ACKR2: variants seen among roughly 807,000 people sequenced by gnomAD.
ACKR2 encodes the protein atypical chemokine receptor 2.
For synonymous variants in ACKR2, 207 were observed against 192.2 expected (o/e 1.08, Z -0.64); for missense variants, 457 against 477.3 (o/e 0.96, Z 0.40).
intron 2 of ACKR2, among the ~76,000 whole-genome samples, chr3:42,846,819 C>T (rs760450992): frequency 5.3e-5 from 8 of 152,212 alleles, no homozygotes; most frequent in Non-Finnish European, 1.2e-4. Flanking sequence ...GTGTCCAGTG[C>T]TGGCTGGGCT....
At chr3:42,825,408 A>G (rs1171596357) in intron 2 of ACKR2, among the ~76,000 whole-genome samples, 2 of 152,136 alleles carry the variant, frequency 1.3e-5, no homozygotes, top group Non-Finnish European at 2.9e-5. Flanking sequence ...TTTTTAGTGT[A>G]TAGGCCTTGC....
chr3:42,812,300 A>G (rs1390353668), intron 1 of ACKR2, among the ~76,000 whole-genome samples: 1 of 152,220 alleles, frequency 6.6e-6, no homozygotes, highest in Non-Finnish European at 1.5e-5. Context: ...TGTGATGGAT[A>G]CAATTTATTT....
intron 2 of ACKR2, chr3:42,856,549 C>T: frequency 1.6e-6 from 1 of 611,578 alleles, no homozygotes; most frequent in South Asian, 2.0e-5. Flanking sequence ...AGCTAACATC[C>T]TCACTATTAT....
rs1170169605 is a variant in ACKR2 at position 42,864,710 on chromosome 3, G to A, written c.208G>A (p.Val70Ile). 4 of 1,614,156 alleles carry A rather than the reference G, an allele frequency of 2.5e-6. No homozygotes were observed. The East Asian group carries it at 6.7e-5, about 27-fold the overall frequency. Reference sequence around the variant, plus strand: ...CAGCGGGAACCTCCTTCTTCTCATGGTCTTGCTCCGTTACGTGCCTCGCAG... The same window carrying A: ...CAGCGGGAACCTCCTTCTTCTCATGATCTTGCTCCGTTACGTGCCTCGCAG... ...GLSGNLLLLM[V>I]LLRYVPRRRM... The change falls in exon 3 of 3, where the codon GTC (valine) becomes ATC (isoleucine). Residue 70 changes from valine (V) to isoleucine (I), a missense_variant. Physicochemically the swap from Val to Ile is conservative, Grantham distance 29. Coordinates refer to ENST00000422265, the MANE Select transcript of ACKR2 (RefSeq NM_001296.5).
At chr3:42,825,593 G>A (rs1391385031) in intron 2 of ACKR2, among the ~76,000 whole-genome samples, 1 of 151,296 alleles carries the variant, frequency 6.6e-6, no homozygotes, top group African/African-American at 2.4e-5. Flanking sequence ...GTGTGTGTGT[G>A]TGTGTGTGCG....
chr3:42,818,223 C>G (rs1335211070), intron 1 of ACKR2, among the ~76,000 whole-genome samples: 1 of 152,228 alleles, frequency 6.6e-6, no homozygotes. Context: ...CTCTACATCT[C>G]TCTCCGCACA....
intron 2 of ACKR2, among the ~76,000 whole-genome samples, chr3:42,823,774 C>CTCTGCTTT (rs774069262): frequency 6.6e-6 from 1 of 152,188 alleles, no homozygotes; most frequent in Non-Finnish European, 1.5e-5. Context: ...GACTTTTGTG[C>CTCTGCTTT]TCTGCTTTTC....
intron 2 of ACKR2, among the ~76,000 whole-genome samples, chr3:42,834,025 C>T (rs762532149): frequency 1.3e-5 from 2 of 152,050 alleles, no homozygotes; most frequent in African/African-American, 2.4e-5. Flanking sequence ...TGCAGTGGTG[C>T]GATCTTGGCT....
chr3:42,828,102 TTTTCTTTTC>T (rs1229790229), intron 2 of ACKR2, among the ~76,000 whole-genome samples: 61 of 138,648 alleles, frequency 4.4e-4, no homozygotes, highest in Middle Eastern at 7.3e-3. Flanking sequence ...ATTTTTTTTT[TTTTCTTTTC>T]TTTTCTTTTC....
At chr3:42,864,152 A>T (rs1332138749) in intron 2 of ACKR2, among the ~76,000 whole-genome samples, 3 of 152,228 alleles carry the variant, frequency 2.0e-5, no homozygotes, top group Non-Finnish European at 4.4e-5. Context: ...AAGACACTAT[A>T]GGTCTTTTTA....
chr3:42,828,092 A>ATATATATATTTTTTTTTTT (rs1193533555), intron 2 of ACKR2, among the ~76,000 whole-genome samples: 5 of 121,900 alleles, frequency 4.1e-5, no homozygotes, highest in African/African-American at 1.6e-4. Context: ...ATATATATAT[A>ATATATATATTTTTTTTTTT]TTTTTTTTTT....
intron 2 of ACKR2, among the ~76,000 whole-genome samples, chr3:42,844,609 T>C (rs563233450): frequency 3.9e-5 from 6 of 152,152 alleles, no homozygotes; most frequent in Non-Finnish European, 7.3e-5. Flanking sequence ...GTGGGAGCTC[T>C]GGTAGACGAG....
chr3:42,838,514 T>C (rs1291558326), intron 2 of ACKR2, among the ~76,000 whole-genome samples: 1 of 149,586 alleles, frequency 6.7e-6, no homozygotes, highest in African/African-American at 2.5e-5. Context: ...TCACATTCAT[T>C]ATAATGGCTA....
chr3:42,865,559 C>T lies in ACKR2; in HGVS notation c.1057C>T (p.Leu353Phe). 6.2e-7 allele frequency: 1 copy of T among 1,614,172 alleles called. No homozygotes were observed. The highest frequency in any genetic ancestry group is 8.5e-7 in the Non-Finnish European group (1 of 1,180,030). ...ATCCAGCTGTTCTGAGAGCAGCATA[C>T]TTACTGCCCAAGAGGAAATGACTGG... is the stretch of plus-strand genomic sequence containing the variant. ...SLSSCSESSILTAQEEMTGMN... is the reference protein window; with the variant it reads ...SLSSCSESSIFTAQEEMTGMN... Residue 353 changes from leucine (L) to phenylalanine (F), a missense_variant, in exon 3 of 3, where the codon CTT (leucine) becomes TTT (phenylalanine). By Grantham distance (22) the Leu-to-Phe change is conservative. Coordinates refer to ENST00000422265, the MANE Select transcript of ACKR2 (RefSeq NM_001296.5).
chr3:42,865,449 G>A lies in ACKR2; in HGVS notation c.947G>A (p.Ser316Asn), dbSNP rs184802180. The A allele has an allele frequency of 6.2e-7, 1 of 1,614,040 alleles. No homozygotes were observed. The highest frequency in any genetic ancestry group is 8.5e-7 in the Non-Finnish European group (1 of 1,180,044). The change falls in exon 3 of 3, where the codon AGT becomes AAT. Residue 316 changes from serine to asparagine, a missense_variant. By Grantham distance (46) the Ser-to-Asn change is conservative. Coordinates refer to ENST00000422265, the MANE Select transcript of ACKR2 (RefSeq NM_001296.5). The part of the protein sequence containing the change: ...CFSPILYAFS[S>N]HRFRQYLKAF... ...TCCCCCATCCTGTATGCCTTCTCCA[G>A]TCACCGCTTCCGCCAGTACCTGAAG...
intron 1 of ACKR2, among the ~76,000 whole-genome samples, chr3:42,811,481 G>A (rs1036420534): frequency 1.3e-5 from 2 of 152,180 alleles, no homozygotes; most frequent in East Asian, 1.9e-4. Flanking sequence ...AACGAACTGC[G>A]GAAAGCCGCA....
intron 2 of ACKR2, 84 bp from the exon 3 acceptor site, chr3:42,864,382 C>G (rs1456566056): frequency 8.0e-7 from 1 of 1,254,304 alleles, no homozygotes; most frequent in East Asian, 2.4e-5. Context: ...TTTGAAGAGT[C>G]TATTGGACAT....
intron 2 of ACKR2, among the ~76,000 whole-genome samples, chr3:42,848,213 A>ATTTT (rs36054454): frequency 2.8e-4 from 21 of 74,914 alleles, no homozygotes; most frequent in East Asian, 8.2e-4. Context: ...AAAAAAAAAA[A>ATTTT]TTTTTTTTTT....
intron 2 of ACKR2, among the ~76,000 whole-genome samples, chr3:42,850,373 G>T (rs1456654741): frequency 6.6e-6 from 1 of 152,050 alleles, no homozygotes; most frequent in South Asian, 2.1e-4. Flanking sequence ...CAATAAACTT[G>T]CAAAAACCGA....
Sources: allele counts gnomAD v4.1 joint callset (sites outside exome capture counted in the v4.1 genomes callset), GRCh38; gene constraint gnomAD v4.1.1; transcripts MANE v1.5; gene names NCBI Gene and HGNC (gene_info 2026-07-23, HGNC 2026-07-21).